CRHR1: variants seen among roughly 807,000 people sequenced by gnomAD.
The protein encoded by CRHR1 is corticotropin-releasing hormone receptor 1.
CRHR1 carries 28 observed loss-of-function variants against 56.0 expected under a neutral mutation model. The observed-to-expected ratio is 0.50, with a 90% confidence interval of 0.37 to 0.69. The LOEUF is 0.69. Ranked by LOEUF, CRHR1 falls within the 30% of genes least tolerant of loss-of-function variation. The pLI is 0.00. For missense variants in CRHR1, 376 were observed against 548.0 expected (o/e 0.69, Z 3.13); for synonymous variants, 195 against 216.5 (o/e 0.90, Z 0.87).
chr17:45,786,538 G>T (rs2061339368), intron 1 of CRHR1, among the ~76,000 whole-genome samples: 1 of 152,086 alleles, frequency 6.6e-6, no homozygotes, highest in Non-Finnish European at 1.5e-5. Context: ...CTAAGTAACT[G>T]GTTCAAGGTC....
rs760821578 is a variant in CRHR1, at chr17:45,784,601, C to T, written c.33+24C>T. ...AGGTAACAGCCCGCCGGCCATCCCTCGAGCGCTGGCGCCCCCGGCCCCTGG... is the reference window on the plus strand; with the variant it reads ...AGGTAACAGCCCGCCGGCCATCCCTTGAGCGCTGGCGCCCCCGGCCCCTGG... On this transcript the variant is annotated intron_variant, in intron 1 of 12. Transcript: ENST00000314537. The surrounding 1 kb of genome is among the most constrained non-coding windows in gnomAD (Gnocchi z 4.2). 3.2e-6 allele frequency: 5 copies of T among 1,539,262 alleles called. No individual in the cohort carries two copies. The highest frequency in any genetic ancestry group is 2.0e-5 in the Admixed American group (1 of 50,936).
In CRHR1 at chr17:45,784,369, CGGGCCGGGCCGGGCCGCG is replaced by C. The variant is rs1256461462; in HGVS notation, c.-167_-150del. 2.7e-6 allele frequency: 1 copy of C among 371,736 alleles called. No individual in the cohort carries two copies. 23.0% of individuals were successfully genotyped at this position (371,736 alleles called of 1,614,324 possible). A position where few individuals can be genotyped will look rare whatever the true frequency, so the allele number is the denominator to read the frequency against. On this transcript the variant is annotated 5_prime_UTR_variant, in exon 1 of 13. Transcript: ENST00000314537. The surrounding 1 kb of genome is among the most constrained non-coding windows in gnomAD (Gnocchi z 4.2). ...GGGAAGGGGCGAGCGAGAGCCGGGC[CGGGCCGGGCCGGGCCGCG>C]GGGCCGGGAAGCGCCGAGCCGGGCA...
At chr17:45,800,075 C>CCCGTG (rs969506896) in intron 1 of CRHR1, among the ~76,000 whole-genome samples, 2 of 152,224 alleles carry the variant, frequency 1.3e-5, no homozygotes, top group African/African-American at 4.8e-5. Flanking sequence ...CTCCATGGTC[C>CCCGTG]CCCTGCCCTC....
intron 1 of CRHR1, among the ~76,000 whole-genome samples, chr17:45,785,086 C>G (rs879726106): frequency 6.6e-5 from 10 of 152,198 alleles, no homozygotes; most frequent in Non-Finnish European, 1.2e-4. Flanking sequence ...GAATGCCGCC[C>G]GCGCCTGCGA....
intron 1 of CRHR1, among the ~76,000 whole-genome samples, chr17:45,793,332 T>C (rs1238520355): frequency 2.0e-5 from 3 of 152,174 alleles, no homozygotes; most frequent in African/African-American, 7.2e-5. Flanking sequence ...TAGAGGGAAT[T>C]GTGGCCCTGG....
chr17:45,806,493 C>T (rs574544819), intron 1 of CRHR1, among the ~76,000 whole-genome samples: 32 of 152,194 alleles, frequency 2.1e-4, no homozygotes, highest in Non-Finnish European at 3.4e-4. Flanking sequence ...ATTAGGCAGG[C>T]GGGGATGAGG....
chr17:45,802,333 C>CA (rs1337041795), intron 1 of CRHR1, among the ~76,000 whole-genome samples: 3 of 151,866 alleles, frequency 2.0e-5, no homozygotes, highest in African/African-American at 7.3e-5. Flanking sequence ...AAAAAACAAA[C>CA]AAACAAAAAA....
intron 1 of CRHR1, among the ~76,000 whole-genome samples, chr17:45,806,495 G>T (rs1207430810): frequency 6.6e-6 from 1 of 152,240 alleles, no homozygotes. Context: ...TAGGCAGGCG[G>T]GGATGAGGGC....
At chr17:45,827,671 C>A (rs1175068368) in intron 4 of CRHR1, 1 of 152,230 alleles carries the variant, frequency 6.6e-6, no homozygotes, top group African/African-American at 2.4e-5. Flanking sequence ...TTCCAGAAAG[C>A]CTCTGCCTGG....
intron 1 of CRHR1, among the ~76,000 whole-genome samples, chr17:45,802,489 G>A (rs1001800930): frequency 7.9e-5 from 12 of 152,178 alleles, no homozygotes; most frequent in African/African-American, 2.9e-4. Flanking sequence ...GGAGATCAGC[G>A]GATGGTGGGA....
At chr17:45,829,053 G>A (rs1421323877) in intron 4 of CRHR1, 162 bp from the exon 5 acceptor site, 9 of 625,746 alleles carry the variant, frequency 1.4e-5, no homozygotes, top group Non-Finnish European at 2.6e-5. Flanking sequence ...AAACTGGACG[G>A]CGTTGCTCTG....
intron 5 of CRHR1, among the ~76,000 whole-genome samples, chr17:45,829,825 G>A (rs144196143): frequency 7.6e-4 from 115 of 152,224 alleles, no homozygotes; most frequent in African/African-American, 2.7e-3. Flanking sequence ...GGCATCGCCA[G>A]GAATCCAGCT....
intron 1 of CRHR1, chr17:45,799,859 G>A (rs550287566): frequency 6.6e-6 from 1 of 152,510 alleles, no homozygotes; most frequent in East Asian, 1.9e-4. Flanking sequence ...ACCTGCCATG[G>A]TGCTCCAGGC....
chr17:45,830,140 G>A lies in CRHR1; in HGVS notation c.481G>A (p.Ala161Thr), dbSNP rs767597712. The A allele has an allele frequency of 6.8e-6, 11 of 1,613,958 alleles. No individual in the cohort carries two copies. Among genetic ancestry groups the A allele is most frequent in the East Asian group, 2.2e-5 (1 of 44,878 alleles). ...CATCATCCACTGGAACCTCATCTCC[G>A]CCTTCATCCTGCGCAACGCCACCTG... is the stretch of plus-strand genomic sequence containing the variant. ...RNIIHWNLISAFILRNATWFV... is the reference protein window; with the variant it reads ...RNIIHWNLISTFILRNATWFV... Residue 161 changes from alanine (A) to threonine (T), a missense_variant, in exon 6 of 13, where the codon GCC becomes ACC. By Grantham distance (58) the Ala-to-Thr change is moderately conservative (BLOSUM62 0). This residue lies in a region of CRHR1 where 369 missense variants were observed against 519.5 expected (regional missense o/e 0.71). Transcript: ENST00000314537.
intron 5 of CRHR1, chr17:45,829,630 C>T (rs1411094815): frequency 1.3e-6 from 2 of 1,550,836 alleles, no homozygotes; most frequent in Admixed American, 2.0e-5. Context: ...GGAGTGGTGC[C>T]CCATTTCAGG....
intron 1 of CRHR1, among the ~76,000 whole-genome samples, chr17:45,798,513 G>C (rs1455158155): frequency 7.0e-6 from 1 of 142,730 alleles, no homozygotes; most frequent in Non-Finnish European, 1.5e-5. Flanking sequence ...GCGACAAGGC[G>C]AGACTCCGTC....
intron 1 of CRHR1, among the ~76,000 whole-genome samples, chr17:45,791,852 T>TCA (rs59855327): frequency 0.01 from 1,264 of 120,994 alleles, 20 homozygotes; most frequent in African/African-American, 0.035. Context: ...TCTCTCTCTC[T>TCA]CACACACACA....
At chr17:45,787,739 T>C (rs1419177780) in intron 1 of CRHR1, among the ~76,000 whole-genome samples, 1 of 152,184 alleles carries the variant, frequency 6.6e-6, no homozygotes, top group African/African-American at 2.4e-5. Context: ...TTGCCATCCC[T>C]ATATCGGTGC....
intron 1 of CRHR1, among the ~76,000 whole-genome samples, chr17:45,798,313 G>A: frequency 6.6e-6 from 1 of 152,106 alleles, no homozygotes; most frequent in Non-Finnish European, 1.5e-5. Flanking sequence ...ATCATCTGAG[G>A]TCAGGAGTTC....
Sources: gnomAD v4.1 joint callset for allele counts (sites outside exome capture counted in the v4.1 genomes callset) on GRCh38, gnomAD v4.1.1 for gene constraint, gnomAD v4.1.1 regional missense constraint, Gnocchi (gnomAD v3.1) non-coding constraint, MANE v1.5 for transcripts, NCBI Gene and HGNC (gene_info 2026-07-23, HGNC 2026-07-21) for gene names.